Variants in SELENOS observed in about 807,000 individuals in gnomAD.
SELENOS encodes VCP interacting membrane selenoprotein.
SELENOS carries 37 observed loss-of-function variants against 30.2 expected under a neutral mutation model. The ratio of observed to expected loss-of-function variants is 1.23; its 90% CI spans 0.94 to 1.61. The LOEUF is 1.61. Ranked by LOEUF, SELENOS falls within the 40% of genes most tolerant of loss-of-function variation. SELENOS has a pLI of 0.00. For synonymous variants in SELENOS, 119 were observed against 91.6 expected (o/e 1.30, Z -1.71); for missense variants, 289 against 231.8 (o/e 1.25, Z -1.60).
At chr15:101,275,481 T>A in intron 2 of SELENOS, 120 bp from the exon 3 acceptor site, 1 of 847,532 alleles carries the variant, frequency 1.2e-6, no homozygotes, top group Non-Finnish European at 1.7e-6. Context: ...AAACAACATA[T>A]TTTTACATAA....
intron 1 of SELENOS, chr15:101,276,984 C>T (rs2039335225): frequency 5.7e-6 from 3 of 530,750 alleles, no homozygotes; most frequent in South Asian, 4.4e-5. Context: ...CCTTTCAGAG[C>T]CACATAGAAA....
At chr15:101,274,244 A>AGTACTTAGAAGGATT in intron 5 of SELENOS, 176 bp downstream of exon 5, 2 of 701,406 alleles carry the variant, frequency 2.9e-6, no homozygotes, top group Non-Finnish European at 4.8e-6. Flanking sequence ...AATCCTTCTA[A>AGTACTTAGAAGGATT]GTACTTAGTG....
At chr15:101,273,366 C>T (rs2039290688) in intron 5 of SELENOS, among the ~76,000 whole-genome samples, 1 of 152,192 alleles carries the variant, frequency 6.6e-6, no homozygotes, top group East Asian at 1.9e-4. Flanking sequence ...TGGTTGAGTG[C>T]TAAGGTTCTA....
intron 2 of SELENOS, 81 bp downstream of exon 2, chr15:101,276,460 T>A: frequency 7.0e-7 from 1 of 1,424,180 alleles, no homozygotes; most frequent in Non-Finnish European, 9.2e-7. Flanking sequence ...GTGTGGCCCC[T>A]CTTACTTTTA....
Position 101,272,654 on chromosome 15 carries a change from A to G in SELENOS, c.*117T>C, listed in dbSNP as rs2039279981. On this transcript the variant is annotated 3_prime_UTR_variant, in exon 6 of 6. Transcript: ENST00000526049. ...CCTGACATATGCAGGTGTAGTTAGG[A>G]ACAGAAATCAACCCCACCTCCCCTT... 1 of 1,060,822 alleles carries G rather than the reference A, an allele frequency of 9.4e-7. No individual in the cohort carries two copies. Among genetic ancestry groups the G allele is most frequent in the Non-Finnish European group, 1.4e-6 (1 of 713,038 alleles). 65.7% of individuals were successfully genotyped at this position (1,060,822 alleles called of 1,614,324 possible).
At chr15:101,276,754 G>C (rs1488084869) in intron 1 of SELENOS, 79 bp from the exon 2 acceptor site, 2 of 1,516,100 alleles carry the variant, frequency 1.3e-6, no homozygotes, top group Non-Finnish European at 1.8e-6. Context: ...CAAACACAAA[G>C]TGTAACTCCT....
intron 2 of SELENOS, 56 bp downstream of exon 2, chr15:101,276,485 C>T (rs2039328213): frequency 6.6e-7 from 1 of 1,519,178 alleles, no homozygotes; most frequent in Non-Finnish European, 8.8e-7. Flanking sequence ...GAGACTAACT[C>T]TTAATATAAA....
At position 101,272,651 on chromosome 15, in the gene SELENOS, A is replaced by C; in HGVS notation, c.*120T>G. 2.0e-6 allele frequency: 2 copies of C among 1,009,634 alleles called. No individual in the cohort carries two copies. Among genetic ancestry groups the C allele is most frequent in the South Asian group, 1.5e-5 (1 of 67,294 alleles). The allele number at this position is 1,009,634 out of a possible 1,614,324, so 62.5% of individuals were successfully genotyped here. On this transcript the variant is annotated 3_prime_UTR_variant, in exon 6 of 6. Transcript: ENST00000526049. The stretch of plus-strand genomic sequence containing the variant: ...AGCCCTGACATATGCAGGTGTAGTT[A>C]GGAACAGAAATCAACCCCACCTCCC...
downstream of SELENOS, chr15:101,271,222 G>C (rs1413926649): frequency 6.6e-6 from 1 of 152,176 alleles, no homozygotes; most frequent in Non-Finnish European, 1.5e-5. Flanking sequence ...ATGTTAAAAA[G>C]TTTCCTTATA....
intron 5 of SELENOS, 31 bp downstream of exon 5, chr15:101,274,389 T>G (rs1410416923): frequency 6.3e-7 from 1 of 1,587,052 alleles, no homozygotes; most frequent in Non-Finnish European, 8.6e-7. Context: ...GTGTTGAAAA[T>G]CTGTTAACAT....
In SELENOS at chr15:101,272,937, TGA is replaced by T. The variant is rs1056659977; in HGVS notation, c.485-83_485-82del. On this transcript the variant is annotated intron_variant, in intron 5 of 5. Coordinates refer to ENST00000526049, the MANE Select transcript of SELENOS (RefSeq NM_018445.6). ...ACATTGTATATCCACAATAAAATTA[TGA>T]GAGTGACACGCAAAGCACTGCAAAG... 2.5e-5 allele frequency: 32 copies of T among 1,297,556 alleles called. 1 individual carries two copies. The South Asian group carries it at 3.6e-4, about 14-fold the overall frequency. The allele number at this position is 1,297,556 out of a possible 1,614,324, so 80.4% of individuals were successfully genotyped here. A position where few individuals can be genotyped will look rare whatever the true frequency, so the allele number is the denominator to read the frequency against.
chr15:101,275,113 T>G, intron 3 of SELENOS, 142 bp downstream of exon 3: 1 of 659,800 alleles, frequency 1.5e-6, no homozygotes, highest in Non-Finnish European at 2.5e-6. Context: ...AATACTTACA[T>G]GGTAGGAACT....
intron 5 of SELENOS, 194 bp downstream of exon 5, chr15:101,274,226 A>AT: frequency 1.5e-6 from 1 of 658,792 alleles, no homozygotes; most frequent in Non-Finnish European, 2.6e-6. Flanking sequence ...TTAGAATACT[A>AT]TAAGTACAAT....
intron 1 of SELENOS, 26 bp from the exon 2 acceptor site, chr15:101,276,701 A>C: frequency 6.3e-7 from 1 of 1,597,418 alleles, no homozygotes; most frequent in Non-Finnish European, 8.5e-7. Context: ...GTTTTCAAAA[A>C]ACTAAAAATG....
chr15:101,274,282 T>C, intron 5 of SELENOS, 138 bp downstream of exon 5: 4 of 998,010 alleles, frequency 4.0e-6, no homozygotes, highest in Middle Eastern at 3.1e-4. Flanking sequence ...TTGCATCTGT[T>C]TCCTTTATTG....
At chr15:101,274,336 GAAAC>G (rs2039299435) in intron 5 of SELENOS, 80 bp downstream of exon 5, 3 of 1,456,038 alleles carry the variant, frequency 2.1e-6, no homozygotes, top group East Asian at 2.5e-5. Flanking sequence ...TATGGACAAA[GAAAC>G]AAACAATCTT....
rs1008023873 is a variant in SELENOS, at chr15:101,277,466, G to C, written c.-49C>G. 1.4e-6 allele frequency: 2 copies of C among 1,400,512 alleles called. No homozygotes were observed. Among genetic ancestry groups the C allele is most frequent in the African/African-American group, 1.5e-5 (1 of 66,002 alleles). 86.8% of individuals were successfully genotyped at this position (1,400,512 alleles called of 1,614,324 possible). On this transcript the variant is annotated 5_prime_UTR_variant, in exon 1 of 6. Transcript: ENST00000526049. Reference sequence around the variant, plus strand: ...AGCCCTGCCGCCGCGCCTCCAGCCGGGCGCTTCCGGTGCGCTCCTACGCAC... The same window carrying C: ...AGCCCTGCCGCCGCGCCTCCAGCCGCGCGCTTCCGGTGCGCTCCTACGCAC...
At position 101,274,698 on chromosome 15, in the gene SELENOS, T is replaced by C; in HGVS notation, c.319-17A>G. The C allele has an allele frequency of 6.2e-7, 1 of 1,602,564 alleles. No individual in the cohort carries two copies. Among genetic ancestry groups the C allele is most frequent in the African/African-American group, 1.3e-5 (1 of 74,330 alleles). On this transcript the variant is annotated splice_polypyrimidine_tract_variant and intron_variant, in intron 3 of 5. Transcript: ENST00000526049. ...TTCTTCAAGCTGAGAAACAATCACATTTTACAGAAAGAATTCAGAAGCTGC... is the reference window on the plus strand; with the variant it reads ...TTCTTCAAGCTGAGAAACAATCACACTTTACAGAAAGAATTCAGAAGCTGC...
chr15:101,276,730 T>C, intron 1 of SELENOS, 55 bp from the exon 2 acceptor site: 10 of 1,567,860 alleles, frequency 6.4e-6, no homozygotes, highest in Non-Finnish European at 7.8e-6. Flanking sequence ...AGTTGACCTT[T>C]CCATAAGACT....
Sources: gnomAD v4.1 joint callset for allele counts (sites outside exome capture counted in the v4.1 genomes callset) on GRCh38, gnomAD v4.1.1 for gene constraint, MANE v1.5 for transcripts, NCBI Gene and HGNC (gene_info 2026-07-23, HGNC 2026-07-21) for gene names.